The following CABLES1 variants were observed in gnomAD, a reference collection of about 807,000 sequenced individuals.
CABLES1 encodes Cdk5 and Abl enzyme substrate 1.
CABLES1 carries 36 observed loss-of-function variants against 57.8 expected under a neutral mutation model. The ratio of observed to expected loss-of-function variants is 0.62; its 90% CI spans 0.48 to 0.82. The LOEUF (loss-of-function observed/expected upper bound fraction) is 0.82, where lower values mean the gene tolerates loss of function less well. Among genes scored for constraint, CABLES1 ranks in the 40% least tolerant of loss-of-function variants. CABLES1 has a pLI of 0.00. For synonymous variants in CABLES1, 374 were observed against 363.0 expected (o/e 1.03, Z -0.35); for missense variants, 767 against 836.6 (o/e 0.92, Z 1.03).
At chr18:23,192,788 C>T (rs1425869912) in intron 2 of CABLES1, among the ~76,000 whole-genome samples, 3 of 152,164 alleles carry the variant, frequency 2.0e-5, no homozygotes, top group Admixed American at 6.5e-5. Context: ...CCTGCAGATT[C>T]GAGCAGTCAT....
chr18:23,156,407 G>A (rs1051413169), intron 1 of CABLES1, among the ~76,000 whole-genome samples: 4 of 152,236 alleles, frequency 2.6e-5, no homozygotes, highest in Non-Finnish European at 4.4e-5. Context: ...CACCAAGATT[G>A]TGTGTTTCCT....
intron 4 of CABLES1, among the ~76,000 whole-genome samples, chr18:23,219,607 G>C (rs989164225): frequency 6.6e-6 from 1 of 152,230 alleles, no homozygotes; most frequent in African/African-American, 2.4e-5. Context: ...GACCACTGTA[G>C]TGAGGGGCAG....
chr18:23,179,736 T>C (rs2047150806), intron 1 of CABLES1, among the ~76,000 whole-genome samples: 1 of 152,206 alleles, frequency 6.6e-6, no homozygotes, highest in South Asian at 2.1e-4. Context: ...TGGACAAAGC[T>C]TTAGATCCGT....
chr18:23,142,157 C>A (rs2046862086), intron 1 of CABLES1, among the ~76,000 whole-genome samples: 1 of 152,144 alleles, frequency 6.6e-6, no homozygotes, highest in Non-Finnish European at 1.5e-5. Flanking sequence ...GATAATCCAA[C>A]CTCAGAATCA....
At chr18:23,155,156 G>A (rs535068030) in intron 1 of CABLES1, among the ~76,000 whole-genome samples, 16 of 152,278 alleles carry the variant, frequency 1.1e-4, no homozygotes, top group Non-Finnish European at 2.2e-4. Context: ...TTCGTTATGC[G>A]TAACTTCAGT....
chr18:23,144,367 C>G (rs1408958441), intron 1 of CABLES1, among the ~76,000 whole-genome samples: 1 of 152,212 alleles, frequency 6.6e-6, no homozygotes, highest in East Asian at 1.9e-4. Flanking sequence ...CCACAACGTT[C>G]TAGGTCTTTG....
chr18:23,146,950 T>C (rs1161065331), intron 1 of CABLES1, among the ~76,000 whole-genome samples: 2 of 152,212 alleles, frequency 1.3e-5, no homozygotes, highest in Admixed American at 6.5e-5. Flanking sequence ...TGCTAGGGCC[T>C]CATCTGTTTA....
At position 23,188,764 on chromosome 18, in the gene CABLES1, T is replaced by C. The variant is rs2047220659; in HGVS notation, c.846-74T>C. On this transcript the variant is annotated intron_variant, in intron 1 of 9. Coordinates refer to ENST00000256925, the MANE Select transcript of CABLES1 (RefSeq NM_001100619.3). ...CTTCATGTTTTTGTTTTAGGGTAGT[T>C]TTAGATTTGCACAAATGTCTGATCA... The C allele has an allele frequency of 3.7e-6, 4 of 1,090,212 alleles. No individual in the cohort carries two copies. The South Asian group carries it at 5.0e-5, about 14-fold the overall frequency. 67.5% of individuals were successfully genotyped at this position (1,090,212 alleles called of 1,614,324 possible). A position where few individuals can be genotyped will look rare whatever the true frequency, so the allele number is the denominator to read the frequency against.
chr18:23,140,248 C>T (rs1460086115), intron 1 of CABLES1, among the ~76,000 whole-genome samples: 1 of 152,156 alleles, frequency 6.6e-6, no homozygotes, highest in African/African-American at 2.4e-5. Flanking sequence ...TACATTAAGG[C>T]TTCCATTCAC....
At chr18:23,246,772 ATCT>A (rs2047905664) in intron 7 of CABLES1, among the ~76,000 whole-genome samples, 1 of 151,648 alleles carries the variant, frequency 6.6e-6, no homozygotes, top group Admixed American at 6.6e-5. Flanking sequence ...GCTCACTTCA[ATCT>A]TCATCTCCCA....
chr18:23,234,614 GA>G lies in CABLES1; in HGVS notation c.1097del (p.Lys366SerfsTer12). ...YRDSTQVGDL[K>X]LDGGRQSTGA... ...CTCTGACTTGTCCTCCCAGGGACTT[GA>G]AGTTGGACGGAGGAAGACAATCAAC... On this transcript the variant is annotated frameshift_variant, in exon 5 of 10. Coordinates refer to ENST00000256925, the MANE Select transcript of CABLES1 (RefSeq NM_001100619.3). LOFTEE classifies it high-confidence loss of function. The G allele has an allele frequency of 6.2e-7, 1 of 1,613,446 alleles. No individual in the cohort carries two copies. Among genetic ancestry groups the G allele is most frequent in the Non-Finnish European group, 8.5e-7 (1 of 1,179,414 alleles).
At chr18:23,257,076 C>A in intron 9 of CABLES1, 151 bp from the exon 10 acceptor site, 2 of 811,996 alleles carry the variant, frequency 2.5e-6, no homozygotes, top group Non-Finnish European at 3.8e-6. Flanking sequence ...GGAAGCACAG[C>A]CTGTGCCTCC....
At chr18:23,149,642 C>CT (rs1205956995) in intron 1 of CABLES1, 3 of 152,226 alleles carry the variant, frequency 2.0e-5, no homozygotes, top group Non-Finnish European at 2.9e-5. Flanking sequence ...TTGTTTGATT[C>CT]TTTGGCGTGT....
rs1287039121 is a variant in CABLES1, at chr18:23,259,543, A to C, written c.*2176A>C. 1 of 152,128 alleles carries C rather than the reference A, an allele frequency of 6.6e-6. No homozygotes were observed. Among genetic ancestry groups the C allele is most frequent in the Non-Finnish European group, 1.5e-5 (1 of 68,022 alleles). 9.4% of individuals were successfully genotyped at this position (152,128 alleles called of 1,614,324 possible). ...TTTTAAACTGTCTCCTGGCCTGTGGATTTGTGGAATGGACAGTTTTGTGGG... is the reference window on the plus strand; with the variant it reads ...TTTTAAACTGTCTCCTGGCCTGTGGCTTTGTGGAATGGACAGTTTTGTGGG... On this transcript the variant is annotated 3_prime_UTR_variant, in exon 10 of 10. Coordinates refer to ENST00000256925, the MANE Select transcript of CABLES1 (RefSeq NM_001100619.3).
intron 7 of CABLES1, among the ~76,000 whole-genome samples, chr18:23,238,192 T>C (rs2047652894): frequency 6.6e-6 from 1 of 152,250 alleles, no homozygotes; most frequent in Non-Finnish European, 1.5e-5. Context: ...CCCTCGGCTT[T>C]TGTGTCTGCA....
chr18:23,180,321 A>G (rs547879918), intron 1 of CABLES1, among the ~76,000 whole-genome samples: 4 of 152,266 alleles, frequency 2.6e-5, no homozygotes, highest in African/African-American at 7.2e-5. Context: ...GAACAATGTT[A>G]TCATCACTTA....
chr18:23,205,181 CTTTTTTTT>C (rs34690271), intron 3 of CABLES1, among the ~76,000 whole-genome samples: 1 of 81,188 alleles, frequency 1.2e-5, no homozygotes, highest in Non-Finnish European at 2.2e-5. Context: ...TCATTCCTGA[CTTTTTTTT>C]TTTTTTTTTT....
chr18:23,255,651 C>G (rs531088446), intron 9 of CABLES1, among the ~76,000 whole-genome samples: 1 of 151,834 alleles, frequency 6.6e-6, no homozygotes, highest in Admixed American at 6.6e-5. Flanking sequence ...CCTCCACCTC[C>G]CAGACTCAAG....
chr18:23,141,378 C>T (rs548722588), intron 1 of CABLES1, among the ~76,000 whole-genome samples: 3 of 152,186 alleles, frequency 2.0e-5, no homozygotes, highest in Non-Finnish European at 4.4e-5. Flanking sequence ...GATCAAGAAT[C>T]AGGGTAAGAA....
Sources: allele counts gnomAD v4.1 joint callset (sites outside exome capture counted in the v4.1 genomes callset), GRCh38; gene constraint gnomAD v4.1.1; transcripts MANE v1.5; gene names NCBI Gene and HGNC (gene_info 2026-07-23, HGNC 2026-07-21).